Variants in DOCK1 observed in about 807,000 individuals in gnomAD.
The protein encoded by DOCK1 is dedicator of cytokinesis protein 1.
Under a neutral mutation model 262.7 loss-of-function variants are expected in DOCK1, and 138 were observed. That is an observed-to-expected ratio of 0.53 (90% CI 0.46 to 0.61). DOCK1 has a LOEUF of 0.61. DOCK1 is among the 20% of genes least tolerant of loss of function. DOCK1 has a pLI of 0.00. For synonymous variants in DOCK1, 866 were observed against 867.4 expected (o/e 1.00, Z 0.03); for missense variants, 1,908 against 2,370.7 (o/e 0.80, Z 4.05).
At chr10:127,040,167 T>C (rs1013808689) in intron 19 of DOCK1, among the ~76,000 whole-genome samples, 10 of 152,206 alleles carry the variant, frequency 6.6e-5, no homozygotes, top group African/African-American at 2.4e-4. Flanking sequence ...AATATTCGGC[T>C]GTTAGCAGAT....
intron 27 of DOCK1, among the ~76,000 whole-genome samples, chr10:127,133,511 A>C (rs560367636): frequency 6.6e-6 from 1 of 152,138 alleles, no homozygotes; most frequent in Non-Finnish European, 1.5e-5. Flanking sequence ...GTGTGCACCA[A>C]TGGTTTTATA....
chr10:127,362,431 TCTTA>T (rs1322752094), intron 33 of DOCK1, among the ~76,000 whole-genome samples: 4 of 152,376 alleles, frequency 2.6e-5, no homozygotes, highest in East Asian at 1.9e-4. Context: ...AATTTTTAGC[TCTTA>T]CTTACTTCTT....
At chr10:127,132,790 G>A (rs1367539050) in intron 27 of DOCK1, among the ~76,000 whole-genome samples, 3 of 152,000 alleles carry the variant, frequency 2.0e-5, no homozygotes, top group Non-Finnish European at 2.9e-5. Context: ...TCTTTTAATG[G>A]GTCCTTTAAA....
At chr10:126,908,470 AATG>A (rs150155569) in intron 1 of DOCK1, among the ~76,000 whole-genome samples, 3,349 of 152,378 alleles carry the variant, frequency 0.022, 54 homozygotes, top group Non-Finnish European at 0.031. Flanking sequence ...GGGGTAAGAA[AATG>A]ATAAAACTCC....
intron 13 of DOCK1, among the ~76,000 whole-genome samples, chr10:127,019,931 A>T (rs1392000658): frequency 6.6e-6 from 1 of 152,120 alleles, no homozygotes; most frequent in Non-Finnish European, 1.5e-5. Context: ...TAGCCAGGAG[A>T]GTGGTGGCTA....
chr10:127,018,808 A>G lies in DOCK1; in HGVS notation c.1300A>G (p.Thr434Ala), dbSNP rs2042196843. Residue 434 changes from threonine (T) to alanine (A), a missense_variant, in exon 13 of 52, where the codon ACA (threonine) becomes GCA (alanine). Physicochemically the swap from Thr to Ala is moderately conservative, Grantham distance 58 (BLOSUM62 0). This residue lies in a region of DOCK1 where 294 missense variants were observed against 439.9 expected (regional missense o/e 0.67). Coordinates refer to ENST00000623213, the MANE Select transcript of DOCK1 (RefSeq NM_001290223.2). ...VDRTTAVARK[T>A]GFPEIIMPGD... Reference sequence around the variant, plus strand: ...CAGGACCACAGCTGTGGCTCGAAAAACAGGGTTTCCGGAGATAATCATGCC... The same window carrying G: ...CAGGACCACAGCTGTGGCTCGAAAAGCAGGGTTTCCGGAGATAATCATGCC... The G allele has an allele frequency of 1.2e-6, 2 of 1,613,782 alleles. No individual in the cohort carries two copies. Among genetic ancestry groups the G allele is most frequent in the Admixed American group, 1.7e-5 (1 of 59,992 alleles).
intron 23 of DOCK1, among the ~76,000 whole-genome samples, chr10:127,088,777 C>A (rs183016297): frequency 9.2e-4 from 140 of 152,176 alleles, no homozygotes; most frequent in African/African-American, 3.3e-3. Context: ...CCCATGGTTG[C>A]CAGTTGGTGT....
chr10:127,046,100 T>A (rs1182090271), intron 21 of DOCK1, among the ~76,000 whole-genome samples: 14 of 152,200 alleles, frequency 9.2e-5, no homozygotes, highest in Non-Finnish European at 1.6e-4. Context: ...TTTCTTTTTT[T>A]AATTGGTTTG....
chr10:126,932,160 T>C (rs1179601018), intron 1 of DOCK1, among the ~76,000 whole-genome samples: 5 of 152,166 alleles, frequency 3.3e-5, no homozygotes, highest in African/African-American at 9.6e-5. Context: ...AGGCCTAGCA[T>C]TGAAGGAACC....
intron 27 of DOCK1, among the ~76,000 whole-genome samples, chr10:127,222,628 T>TTTGTG (rs71032542): frequency 0.056 from 8,088 of 145,572 alleles, 272 homozygotes; most frequent in African/African-American, 0.091. Flanking sequence ...GTGTTTTTGT[T>TTTGTG]TTGTGTTGTG....
chr10:126,954,385 C>T lies in DOCK1; in HGVS notation c.47-16317C>T, dbSNP rs999044279. Among the ~76,000 whole-genome samples, 275 of 152,316 alleles carry T rather than the reference C, an allele frequency of 1.8e-3. 1 individual carries two copies. Among genetic ancestry groups the T allele is most frequent in the Admixed American group, 3.2e-3 (49 of 15,294 alleles). ...TCAGAACAGTCCTGGGCTCTGCTGTCACATCTTGAAATGTTTTTTCTATTT... is the reference window on the plus strand; with the variant it reads ...TCAGAACAGTCCTGGGCTCTGCTGTTACATCTTGAAATGTTTTTTCTATTT... On this transcript the variant is annotated intron_variant, in intron 1 of 51. Coordinates refer to ENST00000623213, the MANE Select transcript of DOCK1 (RefSeq NM_001290223.2).
Position 127,196,877 on chromosome 10 carries a change from G to C in DOCK1, c.2848-51131G>C, listed in dbSNP as rs185876755. 4.4e-3 allele frequency among the ~76,000 whole-genome samples: 676 copies of C among 152,114 alleles called. 6 individuals carry two copies. The highest frequency in any genetic ancestry group is 0.016 in the African/African-American group (647 of 41,514). On this transcript the variant is annotated intron_variant, in intron 27 of 51. Coordinates refer to ENST00000623213, the MANE Select transcript of DOCK1 (RefSeq NM_001290223.2). The stretch of plus-strand genomic sequence containing the variant: ...TTGAGTCTACCCTGGAGCCGCCTCC[G>C]GAGCAGCTGGCGGGCGGGGGACTCC...
intron 29 of DOCK1, among the ~76,000 whole-genome samples, chr10:127,320,477 A>G (rs775119959): frequency 1.3e-5 from 2 of 152,106 alleles, no homozygotes; most frequent in African/African-American, 4.8e-5. Context: ...GCATCCAATC[A>G]GACACCGTGC....
At chr10:127,093,798 T>C (rs545368837) in intron 23 of DOCK1, among the ~76,000 whole-genome samples, 15 of 152,270 alleles carry the variant, frequency 9.9e-5, no homozygotes, top group Admixed American at 3.3e-4. Flanking sequence ...TGTGCTGCTA[T>C]AACAAAATAC....
At chr10:127,125,624 A>G (rs749369673) in intron 26 of DOCK1, 23 bp downstream of exon 26, 1 of 1,602,288 alleles carries the variant, frequency 6.2e-7, no homozygotes, top group Admixed American at 1.7e-5. Context: ...TCTGTGCGTG[A>G]CGTCCTGCCA....
At chr10:127,256,072 G>A (rs1264880085) in intron 28 of DOCK1, among the ~76,000 whole-genome samples, 1 of 152,098 alleles carries the variant, frequency 6.6e-6, no homozygotes, top group Non-Finnish European at 1.5e-5. Context: ...ATTTTGTCTG[G>A]GTCACTAATG....
At chr10:127,411,225 A>C (rs1303615004) in intron 43 of DOCK1, among the ~76,000 whole-genome samples, 2 of 152,168 alleles carry the variant, frequency 1.3e-5, no homozygotes, top group Admixed American at 1.3e-4. Flanking sequence ...GTGAGAGAGC[A>C]GGTGCCTGTC....
At chr10:126,934,391 G>A (rs1047593488) in intron 1 of DOCK1, among the ~76,000 whole-genome samples, 2 of 152,196 alleles carry the variant, frequency 1.3e-5, no homozygotes, top group Admixed American at 6.5e-5. Context: ...GGCTCGCCCC[G>A]ACACCACTGG....
chr10:127,417,282 C>G (rs2068215350), intron 44 of DOCK1, among the ~76,000 whole-genome samples: 1 of 152,214 alleles, frequency 6.6e-6, no homozygotes, highest in Non-Finnish European at 1.5e-5. Flanking sequence ...AGCAAGACCT[C>G]AGGGCAGCTG....
Sources: allele counts gnomAD v4.1 joint callset (sites outside exome capture counted in the v4.1 genomes callset), GRCh38; gene constraint gnomAD v4.1.1; regional missense constraint gnomAD v4.1.1; transcripts MANE v1.5; gene names NCBI Gene and HGNC (gene_info 2026-07-23, HGNC 2026-07-21).